Variants in PHLDB2 observed in about 807,000 individuals in gnomAD.
The protein encoded by PHLDB2 is pleckstrin homology like domain family B member 2.
PHLDB2 carries 71 observed loss-of-function variants against 123.6 expected under a neutral mutation model. The observed-to-expected ratio is 0.57, with a 90% CI of 0.47 to 0.70. The LOEUF (loss-of-function observed/expected upper bound fraction) is 0.70, where lower values mean the gene tolerates loss of function less well. PHLDB2 is among the 30% of genes least tolerant of loss of function. PHLDB2 has a pLI of 0.00. For synonymous variants in PHLDB2, 547 were observed against 541.6 expected (o/e 1.01, Z -0.14); for missense variants, 1,446 against 1,519.5 (o/e 0.95, Z 0.80).
intron 12 of PHLDB2, chr3:111,960,247 A>T (rs2071314924): frequency 2.3e-6 from 1 of 426,448 alleles, no homozygotes; most frequent in African/African-American, 2.2e-5. Context: ...GCATGTGACT[A>T]TACCAGCTTC....
At chr3:111,776,889 G>A (rs996442720) in intron 1 of PHLDB2, among the ~76,000 whole-genome samples, 3 of 152,152 alleles carry the variant, frequency 2.0e-5, no homozygotes, top group African/African-American at 7.2e-5. Flanking sequence ...AGACACTTAA[G>A]TATATTTCCA....
intron 1 of PHLDB2, among the ~76,000 whole-genome samples, chr3:111,752,952 T>C (rs1477103271): frequency 1.3e-5 from 2 of 152,182 alleles, no homozygotes; most frequent in Non-Finnish European, 2.9e-5. Flanking sequence ...TCCAATTTCA[T>C]CCATGTCCCT....
intron 6 of PHLDB2, among the ~76,000 whole-genome samples, chr3:111,933,338 G>A (rs1251346684): frequency 1.1e-4 from 16 of 152,116 alleles, no homozygotes; most frequent in Admixed American, 9.2e-4. Context: ...TACCTTCTTG[G>A]GAATGGGGAG....
intron 1 of PHLDB2, among the ~76,000 whole-genome samples, chr3:111,772,023 CAAAT>C (rs1286561103): frequency 6.6e-6 from 1 of 150,768 alleles, no homozygotes; most frequent in Non-Finnish European, 1.5e-5. Context: ...TATATTTTGA[CAAAT>C]AACCCTTTGA....
chr3:111,835,872 G>A (rs1362187498), intron 1 of PHLDB2, among the ~76,000 whole-genome samples: 1 of 152,170 alleles, frequency 6.6e-6, no homozygotes, highest in East Asian at 1.9e-4. Flanking sequence ...GGGCCAGGAA[G>A]AAGTTGTCTG....
At chr3:111,868,100 A>T (rs1405517290) in intron 1 of PHLDB2, among the ~76,000 whole-genome samples, 2 of 151,972 alleles carry the variant, frequency 1.3e-5, no homozygotes, top group South Asian at 4.2e-4. Flanking sequence ...CCTGGGCTCA[A>T]GTGATCCCCC....
rs577038910 is a variant in PHLDB2 at position 111,795,747 on chromosome 3, C to T, written c.-48-50074C>T. Among the ~76,000 whole-genome samples, 9 of 152,084 alleles carry T rather than the reference C, an allele frequency of 5.9e-5. No homozygotes were observed. The South Asian group carries it at 6.2e-4, about 11-fold the overall frequency. On this transcript the variant is annotated intron_variant, in intron 1 of 17. Coordinates refer to the PHLDB2 transcript ENST00000393923. ...TTTTTTTTGGTTTTTGTTTTTGAGA[C>T]GGAGTCTTGCTCCGTCACCCAGGCT...
intron 9 of PHLDB2, 171 bp downstream of exon 9, chr3:111,945,528 A>G: frequency 1.6e-6 from 1 of 641,392 alleles, no homozygotes; most frequent in South Asian, 1.8e-5. Context: ...AGGATTTCAG[A>G]GATTATCCTT....
intron 1 of PHLDB2, among the ~76,000 whole-genome samples, chr3:111,871,665 A>C (rs28417011): frequency 2.3e-4 from 6 of 26,010 alleles, no homozygotes; most frequent in Non-Finnish European, 5.3e-4. Flanking sequence ...AACAAACAAA[A>C]AAAACTCCAA....
At chr3:111,842,308 G>T (rs1341163924) in intron 1 of PHLDB2, among the ~76,000 whole-genome samples, 1 of 151,890 alleles carries the variant, frequency 6.6e-6, no homozygotes, top group Non-Finnish European at 1.5e-5. Flanking sequence ...TTGAGATGAA[G>T]GTACAGAGAT....
upstream of PHLDB2, chr3:111,859,147 G>T (rs13063315): frequency 0.66 from 649,277 of 977,322 alleles, 217,713 homozygotes; most frequent in Middle Eastern, 0.78. Flanking sequence ...AAGGAGGTGC[G>T]GTCACCTGGA....
chr3:111,911,225 G>A (rs529783433), intron 2 of PHLDB2, among the ~76,000 whole-genome samples: 34 of 152,300 alleles, frequency 2.2e-4, no homozygotes, highest in African/African-American at 7.7e-4. Context: ...ATTGGAAATG[G>A]ACAACTTTCA....
At chr3:111,816,397 C>T (rs911263854) in intron 1 of PHLDB2, among the ~76,000 whole-genome samples, 3 of 152,226 alleles carry the variant, frequency 2.0e-5, no homozygotes, top group African/African-American at 7.2e-5. Context: ...AGGGGCAGAG[C>T]TTCCCAAGAC....
intron 1 of PHLDB2, among the ~76,000 whole-genome samples, chr3:111,881,625 T>C (rs1424943879): frequency 6.6e-6 from 1 of 152,190 alleles, no homozygotes; most frequent in African/African-American, 2.4e-5. Context: ...CATATTTTTA[T>C]GTTTGTTTAT....
chr3:111,913,684 T>C lies in PHLDB2; in HGVS notation c.1701T>C (p.Tyr567=), dbSNP rs899493826. The C allele has an allele frequency of 6.2e-7, 1 of 1,612,742 alleles. No individual in the cohort carries two copies. Among genetic ancestry groups the C allele is most frequent in the East Asian group, 2.2e-5 (1 of 44,886 alleles). The change falls in exon 3 of 18, where the codon TAT becomes TAC. Residue 567 remains tyrosine (Y), a synonymous_variant. Transcript: ENST00000431670. ...TFPKASSESS[Y]LSILPKTPEG... ...CGAAAGCTTCCAGCGAGTCCTCTTA[T>C]CTAAGTATCCTACCAAAGGTAATGT...
intron 1 of PHLDB2, among the ~76,000 whole-genome samples, chr3:111,799,302 A>C (rs926408529): frequency 6.6e-6 from 1 of 152,170 alleles, no homozygotes. Flanking sequence ...TAGCCAAAAA[A>C]ATCACTCTGA....
In PHLDB2 at chr3:111,954,035, T is replaced by C. The variant is rs756651068; in HGVS notation, c.2872+6T>C. 8 of 1,610,678 alleles carry C rather than the reference T, an allele frequency of 5.0e-6. No individual in the cohort carries two copies. The South Asian group carries it at 8.8e-5, about 18-fold the overall frequency. On this transcript the variant is annotated splice_donor_region_variant and intron_variant, in intron 12 of 17. Transcript: ENST00000431670. ...ATCTCGGAGGATGCTCAGAGGTACG[T>C]ACCTTTTAAATCAAGTGTCATGGCC...
intron 2 of PHLDB2, among the ~76,000 whole-genome samples, chr3:111,907,690 T>G (rs2067631401): frequency 6.6e-6 from 1 of 152,130 alleles, no homozygotes; most frequent in East Asian, 1.9e-4. Context: ...GATACAGGGT[T>G]TAACCATATT....
chr3:111,777,744 A>C (rs973065473), intron 1 of PHLDB2, among the ~76,000 whole-genome samples: 10 of 152,166 alleles, frequency 6.6e-5, no homozygotes, highest in Admixed American at 5.9e-4. Context: ...AAGAATTAGC[A>C]GTCCTATCAC....
Sources: gnomAD v4.1 joint callset for allele counts (sites outside exome capture counted in the v4.1 genomes callset) on GRCh38, gnomAD v4.1.1 for gene constraint, MANE v1.5 for transcripts, NCBI Gene and HGNC (gene_info 2026-07-23, HGNC 2026-07-21) for gene names.